Variants in SCAF11 observed in about 807,000 individuals in gnomAD.
SCAF11 encodes the protein protein SCAF11.
SCAF11 carries 47 observed loss-of-function variants against 140.5 expected under a neutral mutation model. The observed-to-expected ratio is 0.33, with a 90% CI of 0.26 to 0.43. SCAF11 has a LOEUF of 0.43. Among genes scored for constraint, SCAF11 ranks in the 20% least tolerant of loss-of-function variants. SCAF11 has a pLI of 1.00. For missense variants in SCAF11, 1,645 were observed against 1,705.1 expected, an observed-to-expected ratio of 0.96 and a Z score of 0.62; for synonymous variants, 557 against 579.4, an observed-to-expected ratio of 0.96 and a Z score of 0.55.
chr12:45,987,223 C>T (rs1486921284), intron 1 of SCAF11, among the ~76,000 whole-genome samples: 1 of 152,048 alleles, frequency 6.6e-6, no homozygotes, highest in Non-Finnish European at 1.5e-5. Context: ...TGGGAGACAG[C>T]GAGATGCTAT....
At chr12:45,951,629 T>C (rs1429135963) in intron 4 of SCAF11, 21 bp downstream of exon 4, 2 of 1,458,564 alleles carry the variant, frequency 1.4e-6, no homozygotes, top group African/African-American at 1.4e-5. Flanking sequence ...ATAATTCATG[T>C]TGCAGAATAA....
intron 11 of SCAF11, 123 bp from the exon 12 acceptor site, chr12:45,925,197 A>G (rs1944830331): frequency 1.5e-6 from 1 of 650,442 alleles, no homozygotes; most frequent in Admixed American, 2.9e-5. Context: ...TACCAATACC[A>G]ATCTCCAATT....
upstream of SCAF11, chr12:45,990,632 T>G: frequency 8.5e-7 from 1 of 1,171,936 alleles, no homozygotes; most frequent in Non-Finnish European, 1.1e-6. Context: ...CGCGTCTCCC[T>G]CCTCCTCCCT....
At chr12:45,922,645 A>C (rs1197439658) in intron 13 of SCAF11, 63 bp from the exon 14 acceptor site, 3 of 1,475,918 alleles carry the variant, frequency 2.0e-6, no homozygotes, top group African/African-American at 2.8e-5. Context: ...AAAATCCCAA[A>C]CAAGAAATTG....
At chr12:45,956,877 T>A (rs1198732300) in intron 3 of SCAF11, among the ~76,000 whole-genome samples, 1 of 152,216 alleles carries the variant, frequency 6.6e-6, no homozygotes, top group Admixed American at 6.5e-5. Context: ...CTTTTAGATA[T>A]ATGCTTTAGG....
intron 1 of SCAF11, among the ~76,000 whole-genome samples, chr12:45,964,644 G>T (rs1006023089): frequency 6.6e-6 from 1 of 151,750 alleles, no homozygotes; most frequent in Non-Finnish European, 1.5e-5. Context: ...TCCAGCCTGG[G>T]GGACACAGTG....
chr12:45,972,101 G>C (rs2136639276), intron 1 of SCAF11, among the ~76,000 whole-genome samples: 1 of 152,244 alleles, frequency 6.6e-6, no homozygotes, highest in South Asian at 2.1e-4. Flanking sequence ...CACCGACTCT[G>C]AAAACTGAAA....
Position 45,934,490 on chromosome 12 carries a change from C to G in SCAF11, c.479G>C (p.Ser160Thr). ...TGCATTTTTCTTTCCTCCTGTTTCA[C>G]TGTATAAAGAGTTTCCTGTACAAAG... ...LKWIHRNSLY[S>T]ETGGKKNAAI... Residue 160 changes from serine (S) to threonine (T), a missense_variant, in exon 7 of 15, where the codon AGT becomes ACT. Ser to Thr is a moderately conservative substitution (Grantham distance 58). Coordinates refer to ENST00000369367, the MANE Select transcript of SCAF11 (RefSeq NM_004719.3). 1 of 1,591,348 alleles carries G rather than the reference C, an allele frequency of 6.3e-7. No homozygotes were observed. Among genetic ancestry groups the G allele is most frequent in the Non-Finnish European group, 8.5e-7 (1 of 1,173,014 alleles).
At chr12:45,948,143 G>A (rs1015255350) in intron 5 of SCAF11, among the ~76,000 whole-genome samples, 1 of 151,998 alleles carries the variant, frequency 6.6e-6, no homozygotes, top group African/African-American at 2.4e-5. Context: ...ATGTTCCCCA[G>A]GCTGGTACCA....
At chr12:45,972,901 T>TATATATAGATATATAG (rs1303568585) in intron 1 of SCAF11, among the ~76,000 whole-genome samples, 1 of 26,512 alleles carries the variant, frequency 3.8e-5, no homozygotes, top group Non-Finnish European at 8.3e-5. Context: ...TAGATATATA[T>TATATATAGATATATAG]ATATATAGAT....
At position 45,931,559 on chromosome 12, in the gene SCAF11, G is replaced by A. The variant is rs1437344157; in HGVS notation, c.788C>T (p.Ser263Phe). Residue 263 changes from serine to phenylalanine, a missense_variant, in exon 10 of 15, where the codon TCT becomes TTT. This residue lies in a region of SCAF11 where 1,582 missense variants were observed against 1,609.2 expected (regional missense o/e 0.98). Transcript: ENST00000369367. ...TGGAAAAATAGTTCTTGGCAACACA[G>A]AAGAAATGAGAGGAAGGACTTCTGT... ...VETEVLPLIS[S>F]VLPRTIFPTS... 1 of 1,528,242 alleles carries A rather than the reference G, an allele frequency of 6.5e-7. No individual in the cohort carries two copies. The highest frequency in any genetic ancestry group is 8.7e-7 in the Non-Finnish European group (1 of 1,144,544). 94.7% of individuals were successfully genotyped at this position (1,528,242 alleles called of 1,614,324 possible). A position where few individuals can be genotyped will look rare whatever the true frequency, so the allele number is the denominator to read the frequency against.
chr12:45,973,994 G>A (rs1322248040), intron 1 of SCAF11, among the ~76,000 whole-genome samples: 3 of 152,128 alleles, frequency 2.0e-5, no homozygotes, highest in Non-Finnish European at 2.9e-5. Context: ...TTTCTGATAA[G>A]ATTTCCAATA....
intron 1 of SCAF11, among the ~76,000 whole-genome samples, chr12:45,984,163 A>G (rs1209161144): frequency 1.3e-5 from 2 of 152,198 alleles, no homozygotes; most frequent in Admixed American, 6.5e-5. Context: ...AAAAAGAAAA[A>G]GGGATTACTT....
chr12:45,945,056 A>G (rs1242843929), intron 6 of SCAF11, 193 bp downstream of exon 6: 1 of 551,294 alleles, frequency 1.8e-6, no homozygotes, highest in Non-Finnish European at 3.1e-6. Flanking sequence ...AAGAGGAGCA[A>G]GAAGGAAAAA....
At chr12:45,924,655 T>A (rs1944803147) in intron 12 of SCAF11, 73 bp downstream of exon 12, 1 of 1,257,746 alleles carries the variant, frequency 8.0e-7, no homozygotes, top group Non-Finnish European at 1.1e-6. Flanking sequence ...ATGCCTTTTT[T>A]TGAACATCTG....
intron 6 of SCAF11, chr12:45,945,014 T>C: frequency 2.1e-6 from 1 of 478,658 alleles, no homozygotes. Flanking sequence ...AACACTCTTT[T>C]CTCCCAACAC....
chr12:45,945,918 C>T (rs868034974), intron 5 of SCAF11, among the ~76,000 whole-genome samples: 3 of 151,894 alleles, frequency 2.0e-5, no homozygotes, highest in Admixed American at 2.0e-4. Context: ...TCTCAAACCC[C>T]GGATCTCAAG....
intron 2 of SCAF11, among the ~76,000 whole-genome samples, chr12:45,963,534 T>TA (rs906175855): frequency 2.0e-4 from 31 of 152,216 alleles, no homozygotes; most frequent in African/African-American, 7.2e-4. Context: ...TAAAATAGAT[T>TA]AAAAAAATTC....
chr12:45,942,687 T>C (rs1028174268), intron 6 of SCAF11, among the ~76,000 whole-genome samples: 1 of 152,224 alleles, frequency 6.6e-6, no homozygotes, highest in African/African-American at 2.4e-5. Context: ...TCTTCATGGC[T>C]TAACTTCTTA....
Sources: allele counts gnomAD v4.1 joint callset (sites outside exome capture counted in the v4.1 genomes callset), GRCh38; gene constraint gnomAD v4.1.1; regional missense constraint gnomAD v4.1.1; transcripts MANE v1.5; gene names NCBI Gene and HGNC (gene_info 2026-07-23, HGNC 2026-07-21).